The following NGF variants were observed in gnomAD, a reference collection of about 807,000 sequenced individuals.
NGF encodes beta-nerve growth factor.
Under a neutral mutation model 12.8 loss-of-function variants are expected in NGF, and 4 were observed. The observed-to-expected ratio is 0.31, with a 90% CI of 0.15 to 0.72. The LOEUF is 0.72. Among genes scored for constraint, NGF ranks in the 30% least tolerant of loss-of-function variants. The probability of loss-of-function intolerance (pLI) is 0.69; values close to 1 mark genes in which losing one functional copy is unlikely to be tolerated. For missense variants in NGF, 283 were observed against 330.8 expected (o/e 0.86, Z 1.12); for synonymous variants, 140 against 130.0 (o/e 1.08, Z -0.52).
intron 2 of NGF, among the ~76,000 whole-genome samples, chr1:115,287,368 A>G (rs1001427510): frequency 6.6e-6 from 1 of 152,118 alleles, no homozygotes. Context: ...GGTGACTCGG[A>G]GCCCTTGTTA....
chr1:115,322,991 CTAAG>C (rs1654672505), intron 1 of NGF, among the ~76,000 whole-genome samples: 1 of 152,136 alleles, frequency 6.6e-6, no homozygotes, highest in Admixed American at 6.5e-5. Context: ...AAACACAGTG[CTAAG>C]TGTTACATAT....
chr1:115,288,180 T>G (rs915698945), intron 2 of NGF, among the ~76,000 whole-genome samples: 49 of 152,276 alleles, frequency 3.2e-4, no homozygotes, highest in African/African-American at 1.2e-3. Flanking sequence ...CAGAATAGCG[T>G]AATTGTATGT....
intron 1 of NGF, among the ~76,000 whole-genome samples, chr1:115,298,310 T>G (rs1222822901): frequency 6.6e-6 from 1 of 152,182 alleles, no homozygotes; most frequent in Non-Finnish European, 1.5e-5. Flanking sequence ...AAGTTGATTT[T>G]TTCCCCCCAA....
At chr1:115,320,157 G>A (rs1654577997) in intron 1 of NGF, among the ~76,000 whole-genome samples, 3 of 152,086 alleles carry the variant, frequency 2.0e-5, no homozygotes, top group Admixed American at 6.5e-5. Context: ...GGCAGTGTTT[G>A]TGTCACCCTC....
intron 2 of NGF, among the ~76,000 whole-genome samples, chr1:115,287,180 C>T (rs2747055): frequency 3.3e-5 from 5 of 152,244 alleles, no homozygotes; most frequent in African/African-American, 1.2e-4. Context: ...CCAGGGAGGC[C>T]GGTGGGGAGA....
intron 1 of NGF, among the ~76,000 whole-genome samples, chr1:115,311,862 A>C (rs1367158847): frequency 1.3e-5 from 2 of 152,192 alleles, no homozygotes; most frequent in East Asian, 3.8e-4. Flanking sequence ...TAAATCTGAA[A>C]TTTATGAAAG....
intron 1 of NGF, among the ~76,000 whole-genome samples, chr1:115,322,423 G>A (rs1234823278): frequency 6.6e-6 from 1 of 152,146 alleles, no homozygotes; most frequent in East Asian, 1.9e-4. Context: ...GCCACCTGGA[G>A]GCTACAAGGA....
chr1:115,295,414 C>T (rs79201694), intron 1 of NGF, among the ~76,000 whole-genome samples: 6,482 of 152,222 alleles, frequency 0.043, 168 homozygotes, highest in Middle Eastern at 0.071. Context: ...AGGTTACATT[C>T]TGTGACAAAG....
intron 1 of NGF, among the ~76,000 whole-genome samples, chr1:115,324,612 C>G (rs1356325728): frequency 6.6e-6 from 1 of 152,118 alleles, no homozygotes; most frequent in Admixed American, 6.5e-5. Flanking sequence ...GGGTCTCTGT[C>G]CTATCACAGA....
At chr1:115,332,124 G>T (rs1654937737) in intron 1 of NGF, among the ~76,000 whole-genome samples, 2 of 152,202 alleles carry the variant, frequency 1.3e-5, no homozygotes, top group South Asian at 4.1e-4. Flanking sequence ...AGACACAGAG[G>T]AGTTGTTACG....
chr1:115,298,865 T>A (rs1309531031), intron 1 of NGF, among the ~76,000 whole-genome samples: 1 of 151,964 alleles, frequency 6.6e-6, no homozygotes, highest in African/African-American at 2.4e-5. Flanking sequence ...TCACTAGGAA[T>A]GTCTTAGATT....
Position 115,303,358 on chromosome 1 carries a change from G to A in NGF, c.-136-9608C>T, listed in dbSNP as rs915277321. ...GAATTTAGATCCATAGAGCATGGCA[G>A]CATTATCTTCAACAACCACCACCAC... is the stretch of plus-strand genomic sequence containing the variant. On this transcript the variant is annotated intron_variant, in intron 1 of 2. Transcript: ENST00000369512. 2.6e-5 allele frequency among the ~76,000 whole-genome samples: 4 copies of A among 152,130 alleles called. 1 individual carries two copies. The highest frequency in any genetic ancestry group is 2.0e-4 in the Admixed American group (3 of 15,266).
chr1:115,328,903 A>G (rs1245700335), intron 1 of NGF, among the ~76,000 whole-genome samples: 1 of 152,226 alleles, frequency 6.6e-6, no homozygotes, highest in African/African-American at 2.4e-5. Flanking sequence ...AAGACAGTGC[A>G]GAAGGTGGGG....
chr1:115,299,124 T>C (rs1057122423), intron 1 of NGF, among the ~76,000 whole-genome samples: 1 of 152,256 alleles, frequency 6.6e-6, no homozygotes, highest in African/African-American at 2.4e-5. Flanking sequence ...TTTAACTATC[T>C]AGTGGTTTTG....
Position 115,326,077 on chromosome 1 carries a change from G to A in NGF, c.-137+12127C>T, listed in dbSNP as rs908500214. ...GTCGTAGATCGTAGCTCATGCCTGG[G>A]GAGGATGAGATCATCCAGGAAGAGG... is the stretch of plus-strand genomic sequence containing the variant. On this transcript the variant is annotated intron_variant, in intron 1 of 2. Transcript: ENST00000369512. 2.0e-5 allele frequency among the ~76,000 whole-genome samples: 3 copies of A among 152,044 alleles called. No individual in the cohort carries two copies. The South Asian group carries it at 6.2e-4, about 32-fold the overall frequency.
intron 1 of NGF, among the ~76,000 whole-genome samples, chr1:115,333,840 TC>T (rs1308088445): frequency 6.6e-6 from 1 of 150,934 alleles, no homozygotes; most frequent in Non-Finnish European, 1.5e-5. Context: ...TCTCTCTCTT[TC>T]TTTTCTTTTC....
chr1:115,315,787 C>A (rs540624478), intron 1 of NGF, among the ~76,000 whole-genome samples: 1 of 152,102 alleles, frequency 6.6e-6, no homozygotes, highest in African/African-American at 2.4e-5. Context: ...AGAACGAGCT[C>A]GCTGAGGTTC....
At chr1:115,323,496 A>G (rs561743512) in intron 1 of NGF, among the ~76,000 whole-genome samples, 25 of 152,282 alleles carry the variant, frequency 1.6e-4, no homozygotes, top group African/African-American at 6.0e-4. Context: ...AGGCTGTGGG[A>G]CAGGCAACCT....
At chr1:115,328,821 A>G (rs1388053831) in intron 1 of NGF, among the ~76,000 whole-genome samples, 1 of 152,156 alleles carries the variant, frequency 6.6e-6, no homozygotes, top group Non-Finnish European at 1.5e-5. Flanking sequence ...TGCCCCTTGG[A>G]CAATTACTGT....
Sources: gnomAD v4.1 joint callset for allele counts (sites outside exome capture counted in the v4.1 genomes callset) on GRCh38, gnomAD v4.1.1 for gene constraint, MANE v1.5 for transcripts, NCBI Gene and HGNC (gene_info 2026-07-23, HGNC 2026-07-21) for gene names.